AGAP1: variants seen among roughly 807,000 people sequenced by gnomAD.
The protein encoded by AGAP1 is ArfGAP with GTPase domain, ankyrin repeat and PH domain 1.
A neutral mutation model predicts 105.3 loss-of-function variants in AGAP1; 29 were observed. The observed-to-expected ratio is 0.28, with a 90% CI of 0.21 to 0.38. AGAP1 has a LOEUF of 0.38. Among genes scored for constraint, AGAP1 ranks in the 10% least tolerant of loss-of-function variants. The pLI is 1.00. For synonymous variants in AGAP1, 509 were observed against 485.9 expected (o/e 1.05, Z -0.63); for missense variants, 998 against 1,165.1 (o/e 0.86, Z 2.09).
At chr2:235,844,526 G>T (rs978888696) in intron 9 of AGAP1, among the ~76,000 whole-genome samples, 12 of 152,182 alleles carry the variant, frequency 7.9e-5, no homozygotes, top group African/African-American at 2.7e-4. Context: ...TGCTTCTGCA[G>T]ACTAGAAATA....
At chr2:235,987,479 C>A (rs1181442741) in intron 13 of AGAP1, among the ~76,000 whole-genome samples, 4 of 147,438 alleles carry the variant, frequency 2.7e-5, no homozygotes, top group South Asian at 2.2e-4. Context: ...TTTTTCCCCC[C>A]CAAAAAACCA....
chr2:235,863,691 C>T (rs1406478856), intron 9 of AGAP1, among the ~76,000 whole-genome samples: 1 of 152,210 alleles, frequency 6.6e-6, no homozygotes, highest in Admixed American at 6.5e-5. Flanking sequence ...CTACGGGTCG[C>T]TGGCCAATGC....
At chr2:235,857,790 T>C (rs977549884) in intron 9 of AGAP1, among the ~76,000 whole-genome samples, 1 of 152,232 alleles carries the variant, frequency 6.6e-6, no homozygotes, top group African/African-American at 2.4e-5. Context: ...AAGAATGTAG[T>C]ACAGTCGTCA....
chr2:235,813,231 G>T (rs973207584), intron 9 of AGAP1, among the ~76,000 whole-genome samples: 1 of 152,184 alleles, frequency 6.6e-6, no homozygotes, highest in Non-Finnish European at 1.5e-5. Context: ...CACAAGATGT[G>T]CAGAATGTTT....
Position 235,936,358 on chromosome 2 carries a change from T to C in AGAP1, c.1483+5435T>C, listed in dbSNP as rs577830161. On this transcript the variant is annotated intron_variant, in intron 12 of 17. Coordinates refer to ENST00000304032, the MANE Select transcript of AGAP1 (RefSeq NM_001037131.3). The surrounding 1 kb of genome is among the most constrained non-coding windows in gnomAD (Gnocchi z 4.7). Reference sequence around the variant, plus strand: ...TTTCCTTCTGGCCACGTAATCATTATATCTTTCCAGTAGACTCTGTGGTTA... The same window carrying C: ...TTTCCTTCTGGCCACGTAATCATTACATCTTTCCAGTAGACTCTGTGGTTA... Among the ~76,000 whole-genome samples, 2 of 152,338 alleles carry C rather than the reference T, an allele frequency of 1.3e-5. No homozygotes were observed. The highest frequency in any genetic ancestry group is 2.4e-5 in the African/African-American group (1 of 41,568).
intron 8 of AGAP1, among the ~76,000 whole-genome samples, chr2:235,800,826 A>G (rs961788755): frequency 1.3e-5 from 2 of 152,296 alleles, no homozygotes; most frequent in East Asian, 1.9e-4. Context: ...TCAGCCCCTC[A>G]CAGCAGGGAA....
chr2:235,563,214 G>A (rs1944222574), intron 1 of AGAP1, among the ~76,000 whole-genome samples: 1 of 152,152 alleles, frequency 6.6e-6, no homozygotes, highest in African/African-American at 2.4e-5. Flanking sequence ...GAGCTGCCTG[G>A]CCTTGGCTGT....
At chr2:235,658,453 C>T (rs892597099) in intron 1 of AGAP1, among the ~76,000 whole-genome samples, 6 of 151,154 alleles carry the variant, frequency 4.0e-5, no homozygotes, top group African/African-American at 9.7e-5. Flanking sequence ...TGAGTATTTC[C>T]GTATTAGCAA....
chr2:235,946,203 G>A (rs1173133067), intron 12 of AGAP1, among the ~76,000 whole-genome samples: 1 of 151,784 alleles, frequency 6.6e-6, no homozygotes, highest in Non-Finnish European at 1.5e-5. Flanking sequence ...AATTTTGGGG[G>A]TGTATACCCT....
Position 235,617,832 on chromosome 2 carries a change from ATTTCT to A in AGAP1, c.164-91343_164-91339del, listed in dbSNP as rs572400705. Among the ~76,000 whole-genome samples the A allele has an allele frequency of 3.5e-4, 53 of 152,258 alleles. 1 individual carries two copies. The highest frequency in any genetic ancestry group is 9.8e-4 in the Admixed American group (15 of 15,298). On this transcript the variant is annotated intron_variant, in intron 1 of 17. Transcript: ENST00000304032. ...GTTTTTAAAAACACTCCAAATTCAG[ATTTCT>A]TTTATTAAGTAAGTGGATGCAGTGC...
chr2:235,626,489 C>T (rs921554414), intron 1 of AGAP1, among the ~76,000 whole-genome samples: 4 of 152,132 alleles, frequency 2.6e-5, no homozygotes, highest in African/African-American at 4.8e-5. Context: ...TTAATGGTGG[C>T]GTTTTTTAAA....
At position 235,736,413 on chromosome 2, in the gene AGAP1, T is replaced by C. The variant is rs935906265; in HGVS notation, c.311-4550T>C. On this transcript the variant is annotated intron_variant, in intron 3 of 17. Transcript: ENST00000304032. This position sits in a 1 kb window ranked among gnomAD's most constrained non-coding sequence, Gnocchi z 5.5. The stretch of plus-strand genomic sequence containing the variant: ...GGCAGCAGAGAAGGTTGCACATCAC[T>C]CATGGCAGATCCATTACATGGGCCA... Among the ~76,000 whole-genome samples the C allele has an allele frequency of 6.6e-5, 10 of 152,258 alleles. No individual in the cohort carries two copies. Among genetic ancestry groups the C allele is most frequent in the Admixed American group, 4.6e-4 (7 of 15,292 alleles).
At chr2:235,592,128 G>T (rs960996605) in intron 1 of AGAP1, among the ~76,000 whole-genome samples, 10 of 152,232 alleles carry the variant, frequency 6.6e-5, no homozygotes, top group African/African-American at 2.2e-4. Context: ...GGCTTGCCTG[G>T]ACAGCGCCCT....
At position 235,983,894 on chromosome 2, in the gene AGAP1, T is replaced by C. The variant is rs1045312653; in HGVS notation, c.1645+15271T>C. ...TGCATCACTTAACGATGGGGATACA[T>C]GGCTGTATGTAACATAAAATTTGCC... On this transcript the variant is annotated intron_variant, in intron 13 of 17. Coordinates refer to ENST00000304032, the MANE Select transcript of AGAP1 (RefSeq NM_001037131.3). The surrounding 1 kb of genome is among the most constrained non-coding windows in gnomAD (Gnocchi z 4.5). Among the ~76,000 whole-genome samples, 1 of 152,232 alleles carries C rather than the reference T, an allele frequency of 6.6e-6. No individual in the cohort carries two copies. Among genetic ancestry groups the C allele is most frequent in the Admixed American group, 6.5e-5 (1 of 15,288 alleles).
At position 235,557,993 on chromosome 2, in the gene AGAP1, A is replaced by G. The variant is rs1402554922; in HGVS notation, c.163+63144A>G. Among the ~76,000 whole-genome samples, 1 of 152,110 alleles carries G rather than the reference A, an allele frequency of 6.6e-6. No individual in the cohort carries two copies. Among genetic ancestry groups the G allele is most frequent in the Non-Finnish European group, 1.5e-5 (1 of 68,026 alleles). On this transcript the variant is annotated intron_variant, in intron 1 of 17. Coordinates refer to ENST00000304032, the MANE Select transcript of AGAP1 (RefSeq NM_001037131.3). This position sits in a 1 kb window ranked among gnomAD's most constrained non-coding sequence, Gnocchi z 4.7. ...TTTGTAAAATAATAGGTTTAGATGAACAAAGTGGTCTTTAGAGGCAGATAC... is the reference window on the plus strand; with the variant it reads ...TTTGTAAAATAATAGGTTTAGATGAGCAAAGTGGTCTTTAGAGGCAGATAC...
chr2:235,825,934 A>G (rs186158554), intron 9 of AGAP1, among the ~76,000 whole-genome samples: 82 of 152,306 alleles, frequency 5.4e-4, no homozygotes, highest in African/African-American at 1.8e-3. Flanking sequence ...TGCTGCTTTC[A>G]CATTGCATGC....
At chr2:235,937,624 G>A (rs1477950390) in intron 12 of AGAP1, among the ~76,000 whole-genome samples, 1 of 152,230 alleles carries the variant, frequency 6.6e-6, no homozygotes, top group Non-Finnish European at 1.5e-5. Context: ...GCTAGTTGCT[G>A]TAGTGCCCGG....
At position 236,004,975 on chromosome 2, in the gene AGAP1, A is replaced by G. The variant is rs151078810; in HGVS notation, c.1646-31586A>G. Among the ~76,000 whole-genome samples the G allele has an allele frequency of 5.4e-3, 824 of 152,366 alleles. 3 individuals carry two copies. The highest frequency in any genetic ancestry group is 0.019 in the African/African-American group (775 of 41,580). ...ACAACTGAAATGAATGGAAGAAAAA[A>G]TAATATTCCTGTTCAAGATGCTTAT... On this transcript the variant is annotated intron_variant, in intron 13 of 17. Coordinates refer to ENST00000304032, the MANE Select transcript of AGAP1 (RefSeq NM_001037131.3).
At position 236,095,014 on chromosome 2, in the gene AGAP1, A is replaced by G. The variant is rs577831597; in HGVS notation, c.2115-25178A>G. ...CTCTTGAGGATGAGATGGGAGGATCACTTGAGCCCGGGAGGTCCAGGCTGC... is the reference window on the plus strand; with the variant it reads ...CTCTTGAGGATGAGATGGGAGGATCGCTTGAGCCCGGGAGGTCCAGGCTGC... On this transcript the variant is annotated intron_variant, in intron 16 of 17. Coordinates refer to ENST00000304032, the MANE Select transcript of AGAP1 (RefSeq NM_001037131.3). This position sits in a 1 kb window ranked among gnomAD's most constrained non-coding sequence, Gnocchi z 4.1. 6.6e-6 allele frequency among the ~76,000 whole-genome samples: 1 copy of G among 151,660 alleles called. No homozygotes were observed. The highest frequency in any genetic ancestry group is 2.4e-5 in the African/African-American group (1 of 41,232).
Sources: allele counts gnomAD v4.1 joint callset (sites outside exome capture counted in the v4.1 genomes callset), GRCh38; gene constraint gnomAD v4.1.1; non-coding constraint Gnocchi (gnomAD v3.1); transcripts MANE v1.5; gene names NCBI Gene and HGNC (gene_info 2026-07-23, HGNC 2026-07-21).